The following PRKCA variants were observed in gnomAD, a reference collection of about 807,000 sequenced individuals.
PRKCA encodes protein kinase C alpha type.
PRKCA carries 27 observed loss-of-function variants against 87.0 expected under a neutral mutation model. The observed-to-expected ratio is 0.31, with a 90% confidence interval of 0.23 to 0.43. The LOEUF is 0.43. Ranked by LOEUF, PRKCA falls within the 20% of genes least tolerant of loss-of-function variation. PRKCA has a pLI of 1.00. For synonymous variants in PRKCA, 329 were observed against 311.1 expected (o/e 1.06, Z -0.61); for missense variants, 518 against 852.3 (o/e 0.61, Z 4.88).
intron 2 of PRKCA, among the ~76,000 whole-genome samples, chr17:66,352,588 G>A (rs1450333072): frequency 2.1e-5 from 2 of 96,022 alleles, no homozygotes; most frequent in African/African-American, 7.7e-5. Context: ...TTTTTGAGAT[G>A]GAGTCTCTCT....
chr17:66,788,264 C>T (rs1975448614), intron 15 of PRKCA, among the ~76,000 whole-genome samples: 1 of 152,188 alleles, frequency 6.6e-6, no homozygotes, highest in Non-Finnish European at 1.5e-5. Context: ...TCGGGAGGAA[C>T]TGGCTTCTGC....
At chr17:66,673,062 G>A (rs753403268) in intron 5 of PRKCA, among the ~76,000 whole-genome samples, 49 of 152,150 alleles carry the variant, frequency 3.2e-4, no homozygotes, top group South Asian at 6.2e-4. Flanking sequence ...ATGCAGAATC[G>A]TTTCAGTCTC....
rs10529618 is a variant in PRKCA, at chr17:66,489,352, CATATATATATATATATATATATATAT to C, written c.206-6830_206-6805del. 8.5e-3 allele frequency among the ~76,000 whole-genome samples: 846 copies of C among 98,966 alleles called. 12 individuals carry two copies. The highest frequency in any genetic ancestry group is 0.014 in the Non-Finnish European group (674 of 48,870). The allele number at this position is 98,966 out of a possible 152,430, so 64.9% of individuals were successfully genotyped here. Reference sequence around the variant, plus strand: ...AAATGGAAAATGACCCTTAGCAGTGCATATATATATATATATATATATATATATATATATATATATATATTTCCCCC... The same window carrying C: ...AAATGGAAAATGACCCTTAGCAGTGCATATATATATATATATATTTCCCCC... On this transcript the variant is annotated intron_variant, in intron 2 of 16. Transcript: ENST00000413366.
At chr17:66,504,131 C>A (rs544652043) in intron 3 of PRKCA, among the ~76,000 whole-genome samples, 1 of 152,268 alleles carries the variant, frequency 6.6e-6, no homozygotes, top group South Asian at 2.1e-4. Flanking sequence ...TTTAAAGTTG[C>A]CTTCAGCCCC....
At chr17:66,654,415 T>TCAA (rs1172996361) in intron 5 of PRKCA, among the ~76,000 whole-genome samples, 6 of 146,552 alleles carry the variant, frequency 4.1e-5, no homozygotes, top group Admixed American at 6.9e-5. Flanking sequence ...AATGCTATCA[T>TCAA]CATCACCAGC....
Position 66,803,035 on chromosome 17 carries a change from T to TC in PRKCA, c.1855-834dup, listed in dbSNP as rs1394698037. On this transcript the variant is annotated intron_variant, in intron 16 of 16. Transcript: ENST00000413366. The surrounding 1 kb of genome is among the most constrained non-coding windows in gnomAD (Gnocchi z 4.4). ...CTGACAAGGTGAAGAGAACACTCCT[T>TC]CCCCACTTTTGGGGTCAGGCTACCA... Among the ~76,000 whole-genome samples, 1 of 152,090 alleles carries TC rather than the reference T, an allele frequency of 6.6e-6. No individual in the cohort carries two copies. The highest frequency in any genetic ancestry group is 1.5e-5 in the Non-Finnish European group (1 of 68,016).
At chr17:66,615,074 C>T (rs988508969) in intron 3 of PRKCA, among the ~76,000 whole-genome samples, 2 of 152,106 alleles carry the variant, frequency 1.3e-5, no homozygotes, top group Non-Finnish European at 1.5e-5. Context: ...CCCCTCTGAC[C>T]CCAAATGGCT....
intron 3 of PRKCA, among the ~76,000 whole-genome samples, chr17:66,536,324 A>C (rs1967780841): frequency 6.6e-6 from 1 of 152,234 alleles, no homozygotes; most frequent in Non-Finnish European, 1.5e-5. Flanking sequence ...ATCTGAATGC[A>C]GATGTCTGAC....
intron 3 of PRKCA, among the ~76,000 whole-genome samples, chr17:66,566,486 T>TTTG (rs1567903258): frequency 6.9e-5 from 10 of 145,722 alleles, no homozygotes; most frequent in African/African-American, 2.4e-4. Flanking sequence ...TTTGGTTTTT[T>TTTG]TTTTTTTTTT....
At chr17:66,377,637 TTATA>T (rs202097437) in intron 2 of PRKCA, among the ~76,000 whole-genome samples, 1 of 144,594 alleles carries the variant, frequency 6.9e-6, no homozygotes, top group Non-Finnish European at 1.5e-5. Flanking sequence ...TATGTCTATA[TTATA>T]TATATAATGT....
chr17:66,694,410 G>T (rs1231350287), intron 8 of PRKCA, among the ~76,000 whole-genome samples: 2 of 150,268 alleles, frequency 1.3e-5, no homozygotes, highest in Admixed American at 6.6e-5. Flanking sequence ...GAACCCAGGA[G>T]GTGGAGGTTG....
At chr17:66,525,056 C>T (rs1967298612) in intron 3 of PRKCA, among the ~76,000 whole-genome samples, 1 of 152,302 alleles carries the variant, frequency 6.6e-6, no homozygotes, top group East Asian at 1.9e-4. Flanking sequence ...CTTTGACCAG[C>T]AGAATGCAGT....
chr17:66,442,467 A>G (rs1161204045), intron 2 of PRKCA, among the ~76,000 whole-genome samples: 2 of 151,856 alleles, frequency 1.3e-5, no homozygotes, highest in Non-Finnish European at 2.9e-5. Flanking sequence ...GATCTTTAGC[A>G]TTCCCAGCTC....
chr17:66,481,863 G>A (rs1421125150), intron 2 of PRKCA, among the ~76,000 whole-genome samples: 1 of 152,128 alleles, frequency 6.6e-6, no homozygotes, highest in Non-Finnish European at 1.5e-5. Context: ...AGCACTTTGG[G>A]AGGCAGAGGT....
chr17:66,472,190 T>G (rs1915355128), intron 2 of PRKCA, among the ~76,000 whole-genome samples: 1 of 152,152 alleles, frequency 6.6e-6, no homozygotes, highest in African/African-American at 2.4e-5. Context: ...GTCCTCTGGC[T>G]TCAGCCTCCC....
chr17:66,725,426 T>G (rs536000993), intron 8 of PRKCA, among the ~76,000 whole-genome samples: 39 of 152,296 alleles, frequency 2.6e-4, no homozygotes, highest in Non-Finnish European at 5.3e-4. Context: ...GTGCCTGATA[T>G]AGTGCTTGGT....
chr17:66,407,421 C>T (rs1359616150), intron 2 of PRKCA, among the ~76,000 whole-genome samples: 1 of 152,122 alleles, frequency 6.6e-6, no homozygotes, highest in East Asian at 1.9e-4. Context: ...TTGCTTTCTG[C>T]CATGATTGTA....
At position 66,776,725 on chromosome 17, in the gene PRKCA, CTT is replaced by C. The variant is rs1378319283; in HGVS notation, c.1605+2660_1605+2661del. Among the ~76,000 whole-genome samples the C allele has an allele frequency of 3.9e-5, 6 of 152,316 alleles. No individual in the cohort carries two copies. The East Asian group carries it at 1.2e-3, about 29-fold the overall frequency. ...GGCGACTTGAGAGATCTAGTGCACT[CTT>C]TGACTTTTGACTTGGGGTTTTATGC... is the stretch of plus-strand genomic sequence containing the variant. On this transcript the variant is annotated intron_variant, in intron 14 of 16. Coordinates refer to ENST00000413366, the MANE Select transcript of PRKCA (RefSeq NM_002737.3).
intron 2 of PRKCA, among the ~76,000 whole-genome samples, chr17:66,437,198 G>A (rs1913442264): frequency 6.6e-6 from 1 of 152,214 alleles, no homozygotes; most frequent in South Asian, 2.1e-4. Flanking sequence ...ACACAGAGGA[G>A]AAAGGCCCTG....
Sources: gnomAD v4.1 joint callset for allele counts (sites outside exome capture counted in the v4.1 genomes callset) on GRCh38, gnomAD v4.1.1 for gene constraint, Gnocchi (gnomAD v3.1) non-coding constraint, MANE v1.5 for transcripts, NCBI Gene and HGNC (gene_info 2026-07-23, HGNC 2026-07-21) for gene names.